The following NR2F2 variants were observed in gnomAD, a reference collection of about 807,000 sequenced individuals.
The protein encoded by NR2F2 is nuclear receptor subfamily 2 group F member 2, also known as COUP transcription factor 2.
Under a neutral mutation model 34.8 loss-of-function variants are expected in NR2F2, and 2 were observed. The observed-to-expected ratio is 0.06, with a 90% CI of 0.02 to 0.18. The LOEUF is 0.18. Among genes scored for constraint, NR2F2 ranks in the 10% least tolerant of loss-of-function variants. The pLI is 1.00. For missense variants in NR2F2, 300 were observed against 580.1 expected (o/e 0.52, Z 4.96); for synonymous variants, 274 against 251.8 (o/e 1.09, Z -0.84).
At chr15:96,336,781 A>T (rs1429482946) in intron 2 of NR2F2, among the ~76,000 whole-genome samples, 1 of 152,136 alleles carries the variant, frequency 6.6e-6, no homozygotes, top group Non-Finnish European at 1.5e-5. Context: ...TAAACTGACA[A>T]GATCAGTTTT....
chr15:96,332,039 AGCCGCCGCCGCCCC>A lies in NR2F2; in HGVS notation c.-57_-44del, dbSNP rs1899161833. The A allele has an allele frequency of 1.6e-6, 2 of 1,235,538 alleles. No individual in the cohort carries two copies. The highest frequency in any genetic ancestry group is 2.0e-6 in the Non-Finnish European group (2 of 987,838). 76.5% of individuals were successfully genotyped at this position (1,235,538 alleles called of 1,614,324 possible). On this transcript the variant is annotated 5_prime_UTR_variant, in exon 1 of 3. Coordinates refer to ENST00000394166, the MANE Select transcript of NR2F2 (RefSeq NM_021005.4). ...GCGCGCCGGAGCCCGAGACCCGGGG[AGCCGCCGCCGCCCC>A]GCCGCCGCCCGCAGCCAGGGGAGCA...
At chr15:96,333,778 C>T in intron 1 of NR2F2, 1 of 1,382,132 alleles carries the variant, frequency 7.2e-7, no homozygotes, top group Non-Finnish European at 9.3e-7. Flanking sequence ...ATGCTACATC[C>T]CGCCCACAGC....
intron 2 of NR2F2, among the ~76,000 whole-genome samples, chr15:96,336,376 C>T (rs1364790633): frequency 1.3e-5 from 2 of 152,166 alleles, no homozygotes; most frequent in Non-Finnish European, 2.9e-5. Context: ...TGTAGACATG[C>T]AGAGTCCTAG....
intron 1 of NR2F2, chr15:96,333,217 TA>T: frequency 2.3e-6 from 1 of 434,906 alleles, no homozygotes; most frequent in Non-Finnish European, 3.2e-6. Flanking sequence ...CTTTGTGATA[TA>T]AAATTCGCCG....
chr15:96,328,990 A>C (rs1462736297), upstream of NR2F2, among the ~76,000 whole-genome samples: 1 of 152,140 alleles, frequency 6.6e-6, no homozygotes, highest in African/African-American at 2.4e-5. Context: ...TGATCTATGC[A>C]TGTCAATTAT....
intron 2 of NR2F2, among the ~76,000 whole-genome samples, chr15:96,336,837 G>A (rs2141171555): frequency 6.6e-6 from 1 of 152,222 alleles, no homozygotes; most frequent in South Asian, 2.1e-4. Flanking sequence ...AAAATGAGTC[G>A]CCCTCTTTGG....
rs1446034850 is a variant in NR2F2, at chr15:96,331,327, C to T, written c.-779C>T. 1.7e-6 allele frequency: 2 copies of T among 1,189,618 alleles called. No individual in the cohort carries two copies. Among genetic ancestry groups the T allele is most frequent in the Non-Finnish European group, 2.1e-6 (2 of 961,098 alleles). The allele number at this position is 1,189,618 out of a possible 1,614,324, so 73.7% of individuals were successfully genotyped here. On this transcript the variant is annotated 5_prime_UTR_variant, in exon 1 of 3. Coordinates refer to ENST00000394166, the MANE Select transcript of NR2F2 (RefSeq NM_021005.4). Reference sequence around the variant, plus strand: ...AGCGCCAGGACGACGCCGCGCAGCGCCCGACGCGGACCACTTTCATGCTGA... The same window carrying T: ...AGCGCCAGGACGACGCCGCGCAGCGTCCGACGCGGACCACTTTCATGCTGA...
upstream of NR2F2, among the ~76,000 whole-genome samples, chr15:96,329,872 C>T (rs528367201): frequency 6.6e-6 from 1 of 151,968 alleles, no homozygotes; most frequent in African/African-American, 2.4e-5. Flanking sequence ...TCTCAGCATC[C>T]GAGATGCTTT....
In NR2F2 at chr15:96,337,302, C is replaced by CTTCTTT. The variant is rs556851031; in HGVS notation, c.971-40_971-35dup. 5.0e-5 allele frequency: 78 copies of CTTCTTT among 1,558,542 alleles called. No homozygotes were observed. In the Middle Eastern group the frequency reaches 5.1e-4, roughly 10 times the overall value. On this transcript the variant is annotated intron_variant, in intron 2 of 2. Transcript: ENST00000394166. ...CTGAATTCTTCTTCTTCTTCTTCTT[C>CTTCTTT]TTCTTTTTCTTCTTCTTCTTCTTCT...
intron 1 of NR2F2, chr15:96,333,169 G>A (rs1567137957): frequency 5.4e-6 from 1 of 183,966 alleles, no homozygotes; most frequent in Non-Finnish European, 1.2e-5. Flanking sequence ...GTGGGCGAGG[G>A]GCCCTGGGCG....
upstream of NR2F2, among the ~76,000 whole-genome samples, chr15:96,330,292 T>C (rs566325987): frequency 3.9e-5 from 6 of 152,092 alleles, no homozygotes; most frequent in South Asian, 1.2e-3. Context: ...TAAGAGACGT[T>C]GTGTGTGCGC....
chr15:96,329,890 C>T (rs1899084045), upstream of NR2F2, among the ~76,000 whole-genome samples: 1 of 151,970 alleles, frequency 6.6e-6, no homozygotes, highest in African/African-American at 2.4e-5. Context: ...TTTATTTGGG[C>T]AATTAAAATG....
chr15:96,334,853 G>T (rs1301051182), intron 2 of NR2F2, among the ~76,000 whole-genome samples: 1 of 152,270 alleles, frequency 6.6e-6, no homozygotes, highest in East Asian at 1.9e-4. Flanking sequence ...GGCAGCCTCT[G>T]CTGCCTGTTT....
chr15:96,335,818 C>T (rs1899308492), intron 2 of NR2F2, among the ~76,000 whole-genome samples: 1 of 152,226 alleles, frequency 6.6e-6, no homozygotes, highest in South Asian at 2.1e-4. Context: ...AGTCCTCAAA[C>T]TGCTGTCTTG....
rs549625284 is a variant in NR2F2, at chr15:96,339,246, C to T, written c.*1624C>T. 1 of 152,234 alleles carries T rather than the reference C, an allele frequency of 6.6e-6. No homozygotes were observed. Among genetic ancestry groups the T allele is most frequent in the South Asian group, 2.1e-4 (1 of 4,820 alleles). The allele number at this position is 152,234 out of a possible 1,614,324, so 9.4% of individuals were successfully genotyped here. A position where few individuals can be genotyped will look rare whatever the true frequency, so the allele number is the denominator to read the frequency against. ...CATTTCTGACAGTTACTCAGAAGAT[C>T]GTTCAAGCAAGCTAATCACAGCATT... On this transcript the variant is annotated 3_prime_UTR_variant, in exon 3 of 3. Coordinates refer to ENST00000394166, the MANE Select transcript of NR2F2 (RefSeq NM_021005.4).
chr15:96,339,110 C>T lies in NR2F2; in HGVS notation c.*1488C>T, dbSNP rs180758261. ...GGATTTTCCAGGAAAAAAAAAAAGG[C>T]CCTTATATTTGTCACACTTAAGTGC... On this transcript the variant is annotated 3_prime_UTR_variant, in exon 3 of 3. Transcript: ENST00000394166. 1.3e-5 allele frequency: 2 copies of T among 150,610 alleles called. No individual in the cohort carries two copies. The highest frequency in any genetic ancestry group is 3.9e-4 in the East Asian group (2 of 5,150). The allele number at this position is 150,610 out of a possible 1,614,324, so 9.3% of individuals were successfully genotyped here. A position where few individuals can be genotyped will look rare whatever the true frequency, so the allele number is the denominator to read the frequency against.
chr15:96,330,690 G>C (rs921107556), upstream of NR2F2: 1 of 183,236 alleles, frequency 5.5e-6, no homozygotes, highest in African/African-American at 2.4e-5. Context: ...AGCTCAGTGA[G>C]CTGATCGCGG....
At position 96,331,365 on chromosome 15, in the gene NR2F2, C is replaced by T. The variant is rs1260465419; in HGVS notation, c.-741C>T. 7 of 1,219,040 alleles carry T rather than the reference C, an allele frequency of 5.7e-6. No individual in the cohort carries two copies. Among genetic ancestry groups the T allele is most frequent in the South Asian group, 4.1e-5 (1 of 24,244 alleles). 75.5% of individuals were successfully genotyped at this position (1,219,040 alleles called of 1,614,324 possible). Reference sequence around the variant, plus strand: ...ACTTTCATGCTGATTCCCCCGGACCCGGGCAGCGCTCCGGCCACTCCGCGG... The same window carrying T: ...ACTTTCATGCTGATTCCCCCGGACCTGGGCAGCGCTCCGGCCACTCCGCGG... On this transcript the variant is annotated 5_prime_UTR_variant, in exon 1 of 3. Transcript: ENST00000394166.
rs1237379937 is a variant in NR2F2 at position 96,332,147 on chromosome 15, G to A, written c.42G>A (p.Glu14=). ...VVSTWRDPQD[E]VPGSQGSQAS... is the part of the protein sequence containing the mutation. ...GCACGTGGCGCGACCCCCAGGACGA[G>A]GTGCCCGGCTCACAGGGCAGCCAGG... The change falls in exon 1 of 3, where the codon GAG becomes GAA. Residue 14 remains glutamate, a synonymous_variant. Transcript: ENST00000394166. 1.5e-6 allele frequency: 2 copies of A among 1,356,462 alleles called. No individual in the cohort carries two copies. The highest frequency in any genetic ancestry group is 1.9e-5 in the South Asian group (1 of 51,924). The allele number at this position is 1,356,462 out of a possible 1,614,324, so 84.0% of individuals were successfully genotyped here. A position where few individuals can be genotyped will look rare whatever the true frequency, so the allele number is the denominator to read the frequency against.
Sources: allele counts gnomAD v4.1 joint callset (sites outside exome capture counted in the v4.1 genomes callset), GRCh38; gene constraint gnomAD v4.1.1; transcripts MANE v1.5; gene names NCBI Gene and HGNC (gene_info 2026-07-23, HGNC 2026-07-21).